FER: variants seen among roughly 807,000 people sequenced by gnomAD.
FER encodes tyrosine-protein kinase Fer.
In FER, 63 loss-of-function variants were observed where a neutral mutation model predicts 111.0. That is an observed-to-expected ratio of 0.57 (90% CI 0.46 to 0.70). The LOEUF is 0.70. FER is among the 30% of genes least tolerant of loss of function. FER has a pLI of 0.00. For missense variants in FER, 914 were observed against 954.0 expected (o/e 0.96, Z 0.55); for synonymous variants, 327 against 313.9 (o/e 1.04, Z -0.44).
chr5:108,796,110 A>G (rs541326505), intron 2 of FER, among the ~76,000 whole-genome samples: 4 of 152,332 alleles, frequency 2.6e-5, no homozygotes, highest in South Asian at 4.1e-4. Flanking sequence ...CAGTAACACT[A>G]TGATTTAAGT....
In FER at chr5:108,835,191, C is replaced by G. The variant is rs1264260723; in HGVS notation, c.382-517C>G. ...TATTTCTTCGTTTGCGCCACCCCCC[C>G]CCCCCCACTTTTTTTTTGAGTCAAG... On this transcript the variant is annotated intron_variant, in intron 4 of 19. Transcript: ENST00000281092. Among the ~76,000 whole-genome samples, 2 of 119,276 alleles carry G rather than the reference C, an allele frequency of 1.7e-5. 1 individual carries two copies. Among genetic ancestry groups the G allele is most frequent in the Non-Finnish European group, 3.5e-5 (2 of 56,710 alleles). The allele number at this position is 119,276 out of a possible 152,430, so 78.2% of individuals were successfully genotyped here.
At chr5:109,172,657 T>G (rs952970786) in intron 17 of FER, among the ~76,000 whole-genome samples, 4 of 151,904 alleles carry the variant, frequency 2.6e-5, no homozygotes, top group African/African-American at 9.7e-5. Context: ...AGAAAAAAAT[T>G]TTTTATATGT....
Position 109,082,127 on chromosome 5 carries a change from T to A in FER, c.1925-18269T>A, listed in dbSNP as rs10477943. On this transcript the variant is annotated intron_variant, in intron 16 of 19. Transcript: ENST00000281092. ...ACTTTGCCTGAAATAAGCACCTATA[T>A]TTTTTGTCTTATTTTTTTCTACTCT... is the stretch of plus-strand genomic sequence containing the variant. 8.0e-3 allele frequency among the ~76,000 whole-genome samples: 1,219 copies of A among 152,170 alleles called. 16 individuals carry two copies. The highest frequency in any genetic ancestry group is 0.027 in the African/African-American group (1,123 of 41,530).
chr5:108,807,526 C>T (rs114080387), intron 3 of FER, among the ~76,000 whole-genome samples: 1,789 of 152,252 alleles, frequency 0.012, 22 homozygotes, highest in African/African-American at 0.025. Flanking sequence ...CTTTGTTGGT[C>T]TAGCTAGTGG....
intron 13 of FER, among the ~76,000 whole-genome samples, chr5:109,036,623 C>G (rs897506033): frequency 6.6e-6 from 1 of 151,970 alleles, no homozygotes; most frequent in Non-Finnish European, 1.5e-5. Context: ...CCTTCCTACT[C>G]CCCTCCTTTT....
intron 17 of FER, among the ~76,000 whole-genome samples, chr5:109,105,745 G>A (rs558657095): frequency 2.6e-5 from 4 of 152,100 alleles, no homozygotes; most frequent in Non-Finnish European, 5.9e-5. Context: ...TCAAGTATTA[G>A]TAACCCTAAC....
At chr5:108,949,411 A>G (rs1757430213) in intron 11 of FER, among the ~76,000 whole-genome samples, 1 of 152,096 alleles carries the variant, frequency 6.6e-6, no homozygotes, top group African/African-American at 2.4e-5. Context: ...AAAGAGTGAT[A>G]AACAAGGGAA....
intron 13 of FER, among the ~76,000 whole-genome samples, chr5:109,008,990 C>A (rs1397089954): frequency 6.6e-6 from 1 of 150,730 alleles, no homozygotes; most frequent in Non-Finnish European, 1.5e-5. Context: ...ACAACAACAA[C>A]AACAAAACAA....
chr5:108,888,831 T>C (rs1287312100), intron 9 of FER, among the ~76,000 whole-genome samples: 1 of 151,966 alleles, frequency 6.6e-6, no homozygotes, highest in East Asian at 1.9e-4. Flanking sequence ...ATTTTTCTAA[T>C]TGATTTCATG....
At chr5:109,031,784 T>G (rs1769659028) in intron 13 of FER, among the ~76,000 whole-genome samples, 1 of 152,198 alleles carries the variant, frequency 6.6e-6, no homozygotes, top group Non-Finnish European at 1.5e-5. Flanking sequence ...CTACCTGTTT[T>G]TTGAGACTTC....
At chr5:109,094,543 T>C (rs1335153381) in intron 16 of FER, among the ~76,000 whole-genome samples, 2 of 152,126 alleles carry the variant, frequency 1.3e-5, no homozygotes, top group Non-Finnish European at 2.9e-5. Context: ...ATCTGTACCT[T>C]AGAACAGTGG....
chr5:109,104,469 C>T (rs1363737184), intron 17 of FER, among the ~76,000 whole-genome samples: 2 of 152,030 alleles, frequency 1.3e-5, no homozygotes, highest in African/African-American at 4.8e-5. Flanking sequence ...AGTATGGGGA[C>T]GATGATGGGA....
At chr5:108,815,394 A>G (rs1302724432) in intron 3 of FER, among the ~76,000 whole-genome samples, 1 of 152,120 alleles carries the variant, frequency 6.6e-6, no homozygotes, top group Non-Finnish European at 1.5e-5. Flanking sequence ...GTCAGCTTCT[A>G]CTTAATCTGG....
At position 109,188,469 on chromosome 5, in the gene FER, C is replaced by G. The variant is rs1404284469; in HGVS notation, c.*894C>G. ...GAGGCAGTTGCTTTTCAAGGATGTA[C>G]AGAGAGCTGTGAAGCAAGAAACAGA... On this transcript the variant is annotated 3_prime_UTR_variant, in exon 20 of 20. Transcript: ENST00000281092. The G allele has an allele frequency of 6.6e-6, 1 of 150,378 alleles. No individual in the cohort carries two copies. Among genetic ancestry groups the G allele is most frequent in the African/African-American group, 2.4e-5 (1 of 41,000 alleles). 9.3% of individuals were successfully genotyped at this position (150,378 alleles called of 1,614,324 possible). A position where few individuals can be genotyped will look rare whatever the true frequency, so the allele number is the denominator to read the frequency against.
rs746023610 is a variant in FER, at chr5:108,867,915, C to T, written c.630C>T (p.Ser210=). The change falls in exon 6 of 20, where the codon TCC becomes TCT. Residue 210 remains serine, a synonymous_variant. Transcript: ENST00000281092. ...YDITLPLLLD[S]LQKMQEEMIK... ...TCACACTTCCCCTGCTTCTGGACTC[C>T]TTACAAAAGATGCAAGAAGAAATGA... The T allele has an allele frequency of 1.9e-6, 3 of 1,609,796 alleles. No individual in the cohort carries two copies. The highest frequency in any genetic ancestry group is 2.2e-5 in the East Asian group (1 of 44,818).
intron 2 of FER, among the ~76,000 whole-genome samples, chr5:108,789,655 G>T (rs1289524565): frequency 6.7e-6 from 1 of 150,122 alleles, no homozygotes; most frequent in Admixed American, 6.7e-5. Flanking sequence ...CTGTTGCCCT[G>T]GCTGGAGTGC....
At chr5:108,996,057 A>C (rs1205328133) in intron 13 of FER, among the ~76,000 whole-genome samples, 1 of 152,182 alleles carries the variant, frequency 6.6e-6, no homozygotes. Context: ...GGCCGCATAA[A>C]TGTCTTTTTT....
intron 17 of FER, among the ~76,000 whole-genome samples, chr5:109,129,212 C>T (rs549452630): frequency 5.9e-5 from 9 of 151,942 alleles, no homozygotes; most frequent in Admixed American, 2.6e-4. Context: ...AAATGAATTC[C>T]GGGTGGAGAA....
At chr5:108,832,706 T>C (rs1760169213) in intron 3 of FER, 64 bp from the exon 4 acceptor site, 1 of 1,243,538 alleles carries the variant, frequency 8.0e-7, no homozygotes, top group Non-Finnish European at 1.1e-6. Context: ...TTTTGAACTC[T>C]TAAAGCACAG....
Sources: allele counts gnomAD v4.1 joint callset (sites outside exome capture counted in the v4.1 genomes callset), GRCh38; gene constraint gnomAD v4.1.1; transcripts MANE v1.5; gene names NCBI Gene and HGNC (gene_info 2026-07-23, HGNC 2026-07-21).